DHRS3: variants seen among roughly 807,000 people sequenced by gnomAD.
DHRS3 encodes dehydrogenase/reductase 3, also known as short-chain dehydrogenase/reductase 3.
In DHRS3, 14 loss-of-function variants were observed where a neutral mutation model predicts 27.2. The observed-to-expected ratio is 0.52, with a 90% confidence interval of 0.34 to 0.81. The LOEUF is 0.81. Among genes scored for constraint, DHRS3 ranks in the 30% least tolerant of loss-of-function variants. DHRS3 has a pLI of 0.01. For missense variants in DHRS3, 322 were observed against 406.2 expected, an observed-to-expected ratio of 0.79 and a Z score of 1.78; for synonymous variants, 165 against 175.9, an observed-to-expected ratio of 0.94 and a Z score of 0.49.
intron 4 of DHRS3, among the ~76,000 whole-genome samples, chr1:12,577,927 G>A (rs1646604895): frequency 6.6e-6 from 1 of 152,134 alleles, no homozygotes; most frequent in African/African-American, 2.4e-5. Flanking sequence ...CGTATTTAAT[G>A]ACTGCTAAGT....
At chr1:12,614,812 G>A (rs1034147890) in intron 1 of DHRS3, among the ~76,000 whole-genome samples, 2 of 151,638 alleles carry the variant, frequency 1.3e-5, no homozygotes, top group Non-Finnish European at 2.9e-5. Context: ...ATCTAGGCTG[G>A]GAAGCTCTCA....
intron 5 of DHRS3, among the ~76,000 whole-genome samples, chr1:12,571,054 G>C (rs915951066): frequency 2.1e-4 from 32 of 152,234 alleles, no homozygotes; most frequent in Admixed American, 2.1e-3. Flanking sequence ...CCTGGCACTT[G>C]GGGGCTTACC....
intron 1 of DHRS3, among the ~76,000 whole-genome samples, chr1:12,588,442 G>A (rs1220295613): frequency 4.6e-5 from 7 of 152,182 alleles, no homozygotes; most frequent in Non-Finnish European, 8.8e-5. Flanking sequence ...GCTCATAAGA[G>A]CAGATCTGCC....
At position 12,579,296 on chromosome 1, in the gene DHRS3, G is replaced by A. The variant is rs2100658716; in HGVS notation, c.456C>T (p.Phe152=). Residue 152 remains phenylalanine, a synonymous_variant, in exon 3 of 6, where the codon TTC becomes TTT. Transcript: ENST00000616661. Reference sequence around the variant, plus strand: ...TCTGGCCCCGGATAGCCCTTACCCAGAACTGGCCCAGGGTGTTGATGTGTT... The same window carrying A: ...TCTGGCCCCGGATAGCCCTTACCCAAAACTGGCCCAGGGTGTTGATGTGTT... ...KSQHINTLGQ[F]WTTKAFLPRM... 1 of 1,614,100 alleles carries A rather than the reference G, an allele frequency of 6.2e-7. No homozygotes were observed. The highest frequency in any genetic ancestry group is 1.1e-5 in the South Asian group (1 of 91,074).
Position 12,578,662 on chromosome 1 carries a change from G to A in DHRS3, c.698+56C>T. 6.5e-7 allele frequency: 1 copy of A among 1,531,938 alleles called. No homozygotes were observed. The highest frequency in any genetic ancestry group is 9.0e-7 in the Non-Finnish European group (1 of 1,107,868). The allele number at this position is 1,531,938 out of a possible 1,614,324, so 94.9% of individuals were successfully genotyped here. The stretch of plus-strand genomic sequence containing the variant: ...TCTTTCTGCAGTTGGCTGACTGAAT[G>A]GCTTGGGGAGGCAGGTGAGAAGGCT... On this transcript the variant is annotated intron_variant, in intron 4 of 5. Transcript: ENST00000616661. The surrounding 1 kb of genome is among the most constrained non-coding windows in gnomAD (Gnocchi z 4.5).
chr1:12,571,642 T>G (rs912388817), intron 5 of DHRS3, among the ~76,000 whole-genome samples: 1 of 151,556 alleles, frequency 6.6e-6, no homozygotes, highest in Non-Finnish European at 1.5e-5. Context: ...GCAATTTTCC[T>G]GCCTCAGCCT....
At chr1:12,581,234 T>C (rs1223472568) in intron 1 of DHRS3, among the ~76,000 whole-genome samples, 1 of 152,240 alleles carries the variant, frequency 6.6e-6, no homozygotes, top group Non-Finnish European at 1.5e-5. Context: ...TTTTCTTGTA[T>C]ATTACTTTTA....
At chr1:12,610,244 A>ATTTTTTTT (rs113026130) in intron 1 of DHRS3, among the ~76,000 whole-genome samples, 1 of 142,502 alleles carries the variant, frequency 7.0e-6, no homozygotes. Context: ...ATGCCCAGCA[A>ATTTTTTTT]TTTTTTTTTT....
At chr1:12,602,474 C>T (rs1251122364) in intron 1 of DHRS3, among the ~76,000 whole-genome samples, 1 of 149,966 alleles carries the variant, frequency 6.7e-6, no homozygotes. Flanking sequence ...CAACTCTCTG[C>T]TTCCCGGGGG....
intron 1 of DHRS3, among the ~76,000 whole-genome samples, chr1:12,597,777 C>T (rs1275731895): frequency 2.6e-5 from 4 of 152,272 alleles, no homozygotes; most frequent in East Asian, 3.9e-4. Context: ...CTATGGCTGT[C>T]GTTAGGACCA....
At chr1:12,612,096 C>G (rs1646914511) in intron 1 of DHRS3, among the ~76,000 whole-genome samples, 1 of 152,082 alleles carries the variant, frequency 6.6e-6, no homozygotes, top group South Asian at 2.1e-4. Flanking sequence ...ATGAGACAGG[C>G]TCATTTGTAA....
At chr1:12,580,479 C>T (rs1180296800) in intron 2 of DHRS3, 44 bp downstream of exon 2, 1 of 1,613,786 alleles carries the variant, frequency 6.2e-7, no homozygotes, top group Non-Finnish European at 8.5e-7. Flanking sequence ...CGGAATTAGC[C>T]TGTGGTCAGC....
At position 12,605,770 on chromosome 1, in the gene DHRS3, A is replaced by G. The variant is rs1646866311; in HGVS notation, c.195+11384T>C. 1.1e-4 allele frequency among the ~76,000 whole-genome samples: 16 copies of G among 152,332 alleles called. 1 individual carries two copies. Among genetic ancestry groups the G allele is most frequent in the Admixed American group, 1.0e-3 (16 of 15,306 alleles). On this transcript the variant is annotated intron_variant, in intron 1 of 5. Transcript: ENST00000616661. ...AAGCAAGAACAAACATCAAATTTAC[A>G]GTGAAGCTTGCTTAGATGGAAGAAC... is the stretch of plus-strand genomic sequence containing the variant.
intron 1 of DHRS3, among the ~76,000 whole-genome samples, chr1:12,584,484 C>G (rs888176860): frequency 6.7e-6 from 1 of 148,428 alleles, no homozygotes; most frequent in Non-Finnish European, 1.5e-5. Context: ...TGCCTCCTCA[C>G]CCCCCCACCC....
chr1:12,590,920 C>T (rs1261881497), intron 1 of DHRS3, among the ~76,000 whole-genome samples: 1 of 152,226 alleles, frequency 6.6e-6, no homozygotes, highest in Non-Finnish European at 1.5e-5. Context: ...TAATCCCTTC[C>T]ACCTTTTTTT....
chr1:12,603,072 G>A (rs1034435769), intron 1 of DHRS3, among the ~76,000 whole-genome samples: 3 of 152,240 alleles, frequency 2.0e-5, no homozygotes, highest in Admixed American at 1.3e-4. Flanking sequence ...TCTCAGCCCC[G>A]CTTGGGCATT....
rs573208784 is a variant in DHRS3 at position 12,579,098 on chromosome 1, C to T, written c.460-142G>A. On this transcript the variant is annotated intron_variant, in intron 3 of 5. Coordinates refer to ENST00000616661, the MANE Select transcript of DHRS3 (RefSeq NM_004753.7). ...CCTGCGAGGGAGAGGGCCGAGGGCTCCCTGCCCCAGGACACCGAGCATATT... is the reference window on the plus strand; with the variant it reads ...CCTGCGAGGGAGAGGGCCGAGGGCTTCCTGCCCCAGGACACCGAGCATATT... 6.4e-6 allele frequency: 8 copies of T among 1,253,478 alleles called. No homozygotes were observed. The South Asian group carries it at 1.1e-4, about 17-fold the overall frequency. The allele number at this position is 1,253,478 out of a possible 1,614,324, so 77.6% of individuals were successfully genotyped here.
rs535062564 is a variant in DHRS3 at position 12,617,373 on chromosome 1, G to A, written c.-25C>T. ...TCCTCCGCGCCGCGGAGCCGGGCAG[G>A]GGGCGAAACTCCCCGGGCCGAGCAA... On this transcript the variant is annotated 5_prime_UTR_variant, in exon 1 of 6. Transcript: ENST00000616661. 2 of 1,590,954 alleles carry A rather than the reference G, an allele frequency of 1.3e-6. No individual in the cohort carries two copies. The highest frequency in any genetic ancestry group is 1.1e-5 in the South Asian group (1 of 89,916).
intron 1 of DHRS3, among the ~76,000 whole-genome samples, chr1:12,615,155 A>G (rs1292576276): frequency 3.9e-5 from 1 of 25,544 alleles, no homozygotes; most frequent in Non-Finnish European, 9.3e-5. Flanking sequence ...ATTATAAAGT[A>G]GCTCCAGAAG....
Sources: allele counts gnomAD v4.1 joint callset (sites outside exome capture counted in the v4.1 genomes callset), GRCh38; gene constraint gnomAD v4.1.1; non-coding constraint Gnocchi (gnomAD v3.1); transcripts MANE v1.5; gene names NCBI Gene and HGNC (gene_info 2026-07-23, HGNC 2026-07-21).